The following ABCC8 variants were observed in gnomAD, a reference collection of about 807,000 sequenced individuals.
ABCC8 encodes ATP binding cassette subfamily C member 8.
A neutral mutation model predicts 188.0 loss-of-function variants in ABCC8; 137 were observed. The observed-to-expected ratio is 0.73, with a 90% CI of 0.63 to 0.84. ABCC8 has a LOEUF of 0.84. Ranked by LOEUF, ABCC8 falls within the 40% of genes least tolerant of loss-of-function variation. The pLI is 0.00. For synonymous variants in ABCC8, 797 were observed against 846.5 expected, an observed-to-expected ratio of 0.94 and a Z score of 1.01; for missense variants, 1,750 against 2,072.7, an observed-to-expected ratio of 0.84 and a Z score of 3.02.
chr11:17,460,557 G>A lies in ABCC8; in HGVS notation c.942C>T (p.Phe314=), dbSNP rs768582290. 37 of 1,613,936 alleles carry A rather than the reference G, an allele frequency of 2.3e-5. No homozygotes were observed. Among genetic ancestry groups the A allele is most frequent in the African/African-American group, 5.3e-5 (4 of 74,944 alleles). ...TFRILADLLG[F]AGPLCIFGIV... Reference sequence around the variant, plus strand: ...TCCCAAAGATGCACAGTGGCCCGGCGAAGCCCAGCAGGTCGGCCAAGATGC... The same window carrying A: ...TCCCAAAGATGCACAGTGGCCCGGCAAAGCCCAGCAGGTCGGCCAAGATGC... The change falls in exon 6 of 39, where the codon TTC becomes TTT. Residue 314 remains phenylalanine (F), a synonymous_variant. Coordinates refer to ENST00000389817, the MANE Select transcript of ABCC8 (RefSeq NM_000352.6).
intron 4 of ABCC8, among the ~76,000 whole-genome samples, chr11:17,463,230 G>A (rs1370765637): frequency 6.6e-6 from 1 of 152,178 alleles, no homozygotes; most frequent in Non-Finnish European, 1.5e-5. Flanking sequence ...CTCTCCCTCT[G>A]GGACCCTGGG....
chr11:17,436,147 T>C (rs1956087412), intron 10 of ABCC8: 1 of 762,032 alleles, frequency 1.3e-6, no homozygotes, highest in East Asian at 2.5e-5. Context: ...TCGGAGGCAA[T>C]GACAACCAAC....
At chr11:17,443,026 CCAGA>C in intron 9 of ABCC8, 144 bp from the exon 10 acceptor site, 1 of 1,524,456 alleles carries the variant, frequency 6.6e-7, no homozygotes, top group Admixed American at 1.8e-5. Context: ...ACTCCATTTC[CCAGA>C]CAAAGAAGCT....
rs1377904985 is a variant in ABCC8, at chr11:17,427,836, G to A, written c.2116+31C>T. On this transcript the variant is annotated intron_variant, in intron 15 of 38. Transcript: ENST00000389817. The surrounding 1 kb of genome is among the most constrained non-coding windows in gnomAD (Gnocchi z 5.0). ...ATGTTATTCAGTGGGACATGGGGAG[G>A]GGCATGCTGGAGGGGTGGACTGGGC... The A allele has an allele frequency of 1.2e-6, 2 of 1,612,832 alleles. No individual in the cohort carries two copies. Among genetic ancestry groups the A allele is most frequent in the Non-Finnish European group, 1.7e-6 (2 of 1,179,360 alleles).
intron 7 of ABCC8, among the ~76,000 whole-genome samples, chr11:17,450,385 CCT>C (rs1956758030): frequency 2.6e-5 from 2 of 76,644 alleles, no homozygotes; most frequent in African/African-American, 4.1e-5. Context: ...TCTTTCCTTT[CCT>C]TTCCTTCTTT....
At chr11:17,407,235 A>C (rs1954587261) in intron 24 of ABCC8, 106 bp from the exon 25 acceptor site, 11 of 1,609,058 alleles carry the variant, frequency 6.8e-6, no homozygotes, top group African/African-American at 1.3e-5. Context: ...GGGCACACAG[A>C]GGGAAGCCAT....
intron 30 of ABCC8, 106 bp from the exon 31 acceptor site, chr11:17,397,903 C>G: frequency 6.5e-7 from 1 of 1,534,716 alleles, no homozygotes; most frequent in Non-Finnish European, 8.7e-7. Flanking sequence ...CAGGCCTCCA[C>G]TCCAGCCCTG....
In ABCC8 at chr11:17,427,899, G is replaced by C; in HGVS notation, c.2084C>G (p.Thr695Arg). 1.2e-6 allele frequency: 2 copies of C among 1,614,104 alleles called. No homozygotes were observed. Among genetic ancestry groups the C allele is most frequent in the Non-Finnish European group, 1.7e-6 (2 of 1,179,984 alleles). ...GATACGAATGGTGATGTTGGACAGT[G>C]TGGGGATTCCATCTGGGGTCCACGT... ...YFTWTPDGIP[T>R]LSNITIRIPR... The change falls in exon 15 of 39, where the codon ACA (threonine) becomes AGA (arginine). Residue 695 changes from threonine to arginine, a missense_variant. Transcript: ENST00000389817. The surrounding 1 kb of genome is among the most constrained non-coding windows in gnomAD (Gnocchi z 5.0).
intron 10 of ABCC8, chr11:17,436,046 T>G: frequency 9.2e-7 from 1 of 1,086,006 alleles, no homozygotes; most frequent in South Asian, 1.2e-5. Flanking sequence ...TTTGAACTTG[T>G]GTTCTTATTC....
chr11:17,469,335 C>T (rs924921153), intron 3 of ABCC8, among the ~76,000 whole-genome samples: 4 of 151,858 alleles, frequency 2.6e-5, no homozygotes, highest in African/African-American at 9.7e-5. Flanking sequence ...TCGGGTGATC[C>T]GCCCACCTCG....
chr11:17,416,920 A>G lies in ABCC8; in HGVS notation c.2255+10T>C. The stretch of plus-strand genomic sequence containing the variant: ...TGAGACCCACTTCTGACCCAGTCCC[A>G]AGGCTGTACCTGGGGTCCTCTCCTA... On this transcript the variant is annotated intron_variant, in intron 17 of 38. Transcript: ENST00000389817. 6.2e-7 allele frequency: 1 copy of G among 1,601,092 alleles called. No individual in the cohort carries two copies. Among genetic ancestry groups the G allele is most frequent in the East Asian group, 2.3e-5 (1 of 44,424 alleles).
At chr11:17,436,948 A>G (rs1027078079) in intron 10 of ABCC8, among the ~76,000 whole-genome samples, 3 of 151,972 alleles carry the variant, frequency 2.0e-5, no homozygotes, top group African/African-American at 7.3e-5. Context: ...AATATTAGCC[A>G]GGCGTGGTGG....
At chr11:17,471,075 G>GC (rs1439841557) in intron 2 of ABCC8, among the ~76,000 whole-genome samples, 2 of 152,360 alleles carry the variant, frequency 1.3e-5, no homozygotes, top group East Asian at 3.9e-4. Context: ...TTCTGCTCCA[G>GC]CCCTGTGGTA....
intron 8 of ABCC8, among the ~76,000 whole-genome samples, chr11:17,445,926 C>T (rs1261831080): frequency 4.6e-5 from 7 of 150,978 alleles, no homozygotes; most frequent in East Asian, 3.9e-4. Context: ...GTACTAGTAA[C>T]GGTAACCGTG....
intron 2 of ABCC8, among the ~76,000 whole-genome samples, chr11:17,471,637 T>C (rs1322733573): frequency 6.6e-6 from 1 of 152,196 alleles, no homozygotes; most frequent in Non-Finnish European, 1.5e-5. Flanking sequence ...AAAGAAAGAA[T>C]GATCTCTGTC....
At chr11:17,435,095 C>T (rs796292749) in intron 10 of ABCC8, among the ~76,000 whole-genome samples, 3 of 151,868 alleles carry the variant, frequency 2.0e-5, no homozygotes, top group Non-Finnish European at 2.9e-5. Context: ...AAAAGCTATA[C>T]ATTTTCTCCT....
intron 21 of ABCC8, 105 bp downstream of exon 21, chr11:17,412,561 G>T: frequency 6.9e-7 from 1 of 1,444,864 alleles, no homozygotes. Context: ...TTTACTCCTG[G>T]AGAGGGAGAT....
In ABCC8 at chr11:17,442,715, C is replaced by T. The variant is rs1956364777; in HGVS notation, c.1630+5G>A. 1 of 1,613,228 alleles carries T rather than the reference C, an allele frequency of 6.2e-7. No individual in the cohort carries two copies. The highest frequency in any genetic ancestry group is 8.5e-7 in the Non-Finnish European group (1 of 1,179,982). The stretch of plus-strand genomic sequence containing the variant: ...CCCAGGGCTGGCTGTGTGGGGTGAA[C>T]TCACTGGAGATGGAGGTATAGATGG... On this transcript the variant is annotated splice_donor_5th_base_variant and intron_variant, in intron 10 of 38. Coordinates refer to ENST00000389817, the MANE Select transcript of ABCC8 (RefSeq NM_000352.6).
At chr11:17,454,068 T>G (rs1312467967) in intron 6 of ABCC8, among the ~76,000 whole-genome samples, 2 of 152,230 alleles carry the variant, frequency 1.3e-5, no homozygotes, top group African/African-American at 4.8e-5. Flanking sequence ...AATATTTCCA[T>G]GAAGACAGAT....
Sources: gnomAD v4.1 joint callset for allele counts (sites outside exome capture counted in the v4.1 genomes callset) on GRCh38, gnomAD v4.1.1 for gene constraint, Gnocchi (gnomAD v3.1) non-coding constraint, MANE v1.5 for transcripts, NCBI Gene and HGNC (gene_info 2026-07-23, HGNC 2026-07-21) for gene names.